ERC2: variants seen among roughly 807,000 people sequenced by gnomAD.
The protein encoded by ERC2 is ERC protein 2.
In ERC2, 42 loss-of-function variants were observed where a neutral mutation model predicts 114.8. The observed-to-expected ratio is 0.37, with a 90% CI of 0.29 to 0.47. ERC2 has a LOEUF of 0.47. Among genes scored for constraint, ERC2 ranks in the 20% least tolerant of loss-of-function variants. The probability of loss-of-function intolerance (pLI) is 0.99; values close to 1 mark genes in which losing one functional copy is unlikely to be tolerated. For synonymous variants in ERC2, 454 were observed against 425.5 expected, an observed-to-expected ratio of 1.07 and a Z score of -0.82; for missense variants, 939 against 1,150.7, an observed-to-expected ratio of 0.82 and a Z score of 2.66.
chr3:55,803,239 T>G (rs2059371382), intron 14 of ERC2, among the ~76,000 whole-genome samples: 1 of 152,226 alleles, frequency 6.6e-6, no homozygotes, highest in Non-Finnish European at 1.5e-5. Context: ...AATTGCAATT[T>G]TAGTAAAATT....
In ERC2 at chr3:55,847,862, G is replaced by C. The variant is rs1377623843; in HGVS notation, c.2564+40527C>G. Among the ~76,000 whole-genome samples the C allele has an allele frequency of 4.6e-5, 7 of 152,172 alleles. No homozygotes were observed. The South Asian group carries it at 1.5e-3, about 32-fold the overall frequency. The stretch of plus-strand genomic sequence containing the variant: ...AGCACAGGCTGGAGTGCGGTGGTGC[G>C]ATCACAGCTCACTGCAGCCTTGACC... On this transcript the variant is annotated intron_variant, in intron 14 of 17. Transcript: ENST00000288221.
At chr3:55,758,830 T>A (rs2067229505) in intron 14 of ERC2, among the ~76,000 whole-genome samples, 1 of 152,206 alleles carries the variant, frequency 6.6e-6, no homozygotes, top group African/African-American at 2.4e-5. Flanking sequence ...TGAAGGTGAA[T>A]GGATCAAATA....
intron 7 of ERC2, among the ~76,000 whole-genome samples, chr3:56,065,599 G>A (rs2076437758): frequency 6.6e-6 from 1 of 151,784 alleles, no homozygotes; most frequent in African/African-American, 2.4e-5. Flanking sequence ...ATAGGTTAAT[G>A]TGTGCCACGG....
At chr3:56,398,676 G>T (rs1219271290) in intron 2 of ERC2, among the ~76,000 whole-genome samples, 1 of 152,016 alleles carries the variant, frequency 6.6e-6, no homozygotes, top group Non-Finnish European at 1.5e-5. Flanking sequence ...CCAGGCTGTA[G>T]TGCAGTAGCG....
intron 16 of ERC2, among the ~76,000 whole-genome samples, chr3:55,695,949 G>T (rs1328184609): frequency 2.6e-5 from 4 of 152,110 alleles, no homozygotes; most frequent in African/African-American, 9.7e-5. Flanking sequence ...GCCCCAGGAC[G>T]CTCGAAGATA....
chr3:55,986,559 C>T (rs2070651606), intron 11 of ERC2, among the ~76,000 whole-genome samples: 1 of 152,116 alleles, frequency 6.6e-6, no homozygotes, highest in South Asian at 2.1e-4. Flanking sequence ...GAGCACTGCA[C>T]ATAGCAATGA....
intron 3 of ERC2, among the ~76,000 whole-genome samples, chr3:56,245,520 G>GTGTGTGTGTT (rs1156334959): frequency 6.6e-6 from 1 of 151,514 alleles, no homozygotes; most frequent in African/African-American, 2.4e-5. Context: ...TTGTGTGTGT[G>GTGTGTGTGTT]TGTGTGTGTG....
intron 14 of ERC2, among the ~76,000 whole-genome samples, chr3:55,751,697 A>T (rs1375170496): frequency 6.6e-6 from 1 of 152,204 alleles, no homozygotes; most frequent in Admixed American, 6.5e-5. Flanking sequence ...AGGCCAAGTT[A>T]GTAACAGGAG....
At chr3:56,404,699 T>C (rs1160910239) in intron 2 of ERC2, among the ~76,000 whole-genome samples, 2 of 150,504 alleles carry the variant, frequency 1.3e-5, no homozygotes, top group Non-Finnish European at 2.9e-5. Flanking sequence ...ACACCTACTA[T>C]GTACCCATAA....
At chr3:56,267,122 A>T (rs1457862208) in intron 3 of ERC2, among the ~76,000 whole-genome samples, 1 of 152,184 alleles carries the variant, frequency 6.6e-6, no homozygotes, top group Non-Finnish European at 1.5e-5. Context: ...GAACATCCCA[A>T]ATACAAAAAT....
chr3:56,200,187 T>C (rs1222629590), intron 3 of ERC2, among the ~76,000 whole-genome samples: 1 of 151,872 alleles, frequency 6.6e-6, no homozygotes, highest in Admixed American at 6.6e-5. Context: ...AACAGGAGGC[T>C]TCCTCACCAT....
At chr3:55,665,744 A>T (rs892186640) in intron 17 of ERC2, among the ~76,000 whole-genome samples, 10 of 152,186 alleles carry the variant, frequency 6.6e-5, no homozygotes, top group African/African-American at 2.2e-4. Context: ...GACAAATCAT[A>T]AGGTGGGAAG....
At chr3:55,695,236 C>T (rs2062866438) in intron 16 of ERC2, among the ~76,000 whole-genome samples, 1 of 152,144 alleles carries the variant, frequency 6.6e-6, no homozygotes, top group Non-Finnish European at 1.5e-5. Context: ...ACTCTTTGGA[C>T]TTTATTGTTT....
chr3:55,749,341 A>T (rs2066516030), intron 14 of ERC2, among the ~76,000 whole-genome samples: 1 of 152,172 alleles, frequency 6.6e-6, no homozygotes, highest in Non-Finnish European at 1.5e-5. Flanking sequence ...CCAACAACAA[A>T]GCACCCCTGC....
At chr3:55,772,419 A>C (rs544978348) in intron 14 of ERC2, among the ~76,000 whole-genome samples, 1 of 151,542 alleles carries the variant, frequency 6.6e-6, no homozygotes, top group Non-Finnish European at 1.5e-5. Flanking sequence ...GGTTCATGCC[A>C]TTCTCCTGCC....
At chr3:56,289,417 A>G (rs2054936587) in intron 3 of ERC2, among the ~76,000 whole-genome samples, 1 of 152,062 alleles carries the variant, frequency 6.6e-6, no homozygotes, top group African/African-American at 2.4e-5. Context: ...CTGTCAACTG[A>G]TCATCTTCTC....
rs772236752 is a variant in ERC2 at position 56,149,043 on chromosome 3, C to T, written c.1239G>A (p.Glu413=). ...TTTGTTTGATCTCTTCTTCGCGGTC[C>T]TCAGTGTTCAGCACACCATTGGCTT... ...MLKANGVLNT[E]DREEEIKQIE... Residue 413 remains glutamate, a synonymous_variant, in exon 5 of 18, where the codon GAG becomes GAA. Transcript: ENST00000288221. 2.5e-6 allele frequency: 4 copies of T among 1,613,410 alleles called. No homozygotes were observed. In the Admixed American group the frequency reaches 6.7e-5, roughly 27 times the overall value.
intron 17 of ERC2, among the ~76,000 whole-genome samples, chr3:55,639,660 T>C (rs1196913406): frequency 2.0e-5 from 3 of 152,196 alleles, no homozygotes; most frequent in African/African-American, 7.2e-5. Flanking sequence ...TGTAAATACC[T>C]TGGCTGATTT....
chr3:56,220,668 GC>G (rs2049843790), intron 3 of ERC2, among the ~76,000 whole-genome samples: 1 of 152,236 alleles, frequency 6.6e-6, no homozygotes, highest in Admixed American at 6.5e-5. Context: ...GAGCCTGTGT[GC>G]TTCAGACTTC....
Sources: allele counts gnomAD v4.1 joint callset (sites outside exome capture counted in the v4.1 genomes callset), GRCh38; gene constraint gnomAD v4.1.1; transcripts MANE v1.5; gene names NCBI Gene and HGNC (gene_info 2026-07-23, HGNC 2026-07-21).